The following ADGRA3 variants were observed in gnomAD, a reference collection of about 807,000 sequenced individuals.
ADGRA3 encodes the protein adhesion G protein-coupled receptor A3.
A neutral mutation model predicts 119.8 loss-of-function variants in ADGRA3; 56 were observed. The observed-to-expected ratio is 0.47, with a 90% CI of 0.38 to 0.58. The LOEUF (loss-of-function observed/expected upper bound fraction) is 0.58, where lower values mean the gene tolerates loss of function less well. Among genes scored for constraint, ADGRA3 ranks in the 20% least tolerant of loss-of-function variants. The pLI is 0.00. For missense variants in ADGRA3, 1,516 were observed against 1,649.0 expected (o/e 0.92, Z 1.40); for synonymous variants, 607 against 623.8 (o/e 0.97, Z 0.40).
chr4:22,422,381 G>A (rs569080667), intron 11 of ADGRA3, among the ~76,000 whole-genome samples: 1 of 152,220 alleles, frequency 6.6e-6, no homozygotes, highest in East Asian at 1.9e-4. Flanking sequence ...ATAATTAGTG[G>A]TTCCCAAACT....
chr4:22,443,177 G>A (rs1716691452), intron 6 of ADGRA3: 2 of 624,254 alleles, frequency 3.2e-6, no homozygotes, highest in Non-Finnish European at 5.6e-6. Context: ...TGGCATCAGT[G>A]ATAAGTAAAT....
chr4:22,389,087 C>A lies in ADGRA3; in HGVS notation c.2723+1G>T. 6.2e-7 allele frequency: 1 copy of A among 1,613,446 alleles called. No individual in the cohort carries two copies. Among genetic ancestry groups the A allele is most frequent in the Non-Finnish European group, 8.5e-7 (1 of 1,179,444 alleles). On this transcript the variant is annotated splice_donor_variant, in intron 18 of 18. Transcript: ENST00000334304. LOFTEE classifies it high-confidence loss of function. ...GTACACAGAGAATATAAAATACTCA[C>A]TAGGGTGCGTTTGGCCGACTGCCGT...
chr4:22,389,091 G>T lies in ADGRA3; in HGVS notation c.2720C>A (p.Pro907His), dbSNP rs915849022. The T allele has an allele frequency of 1.5e-5, 24 of 1,613,192 alleles. No homozygotes were observed. In the East Asian group the frequency reaches 5.1e-4, roughly 34 times the overall value. ...ACAGAGAATATAAAATACTCACTAG[G>T]GTGCGTTTGGCCGACTGCCGTAATT... ...IKNYGSRPNAPYCWMAWEPSL... is the reference protein window; with the variant it reads ...IKNYGSRPNAHYCWMAWEPSL... The change falls in exon 18 of 19, where the codon CCC (proline) becomes CAC (histidine). Residue 907 changes from proline to histidine, a missense_variant. Transcript: ENST00000334304.
chr4:22,475,300 T>A (rs1175419329), intron 1 of ADGRA3, among the ~76,000 whole-genome samples: 1 of 152,206 alleles, frequency 6.6e-6, no homozygotes, highest in African/African-American at 2.4e-5. Flanking sequence ...AGTTTCAAAT[T>A]CTGTTTCCTT....
intron 17 of ADGRA3, among the ~76,000 whole-genome samples, chr4:22,390,238 C>A (rs1411411266): frequency 2.0e-5 from 3 of 150,290 alleles, no homozygotes; most frequent in Non-Finnish European, 3.0e-5. Context: ...CGCCCCCTAC[C>A]CCCGTTCTTG....
intron 1 of ADGRA3, among the ~76,000 whole-genome samples, chr4:22,481,620 T>C (rs1232490219): frequency 6.6e-6 from 1 of 152,202 alleles, no homozygotes. Context: ...TTTGTGAAAG[T>C]TTTACAGAGT....
At chr4:22,442,888 A>G (rs1050066879) in intron 6 of ADGRA3, 25 bp from the exon 7 acceptor site, 24 of 1,521,044 alleles carry the variant, frequency 1.6e-5, no homozygotes, top group Non-Finnish European at 2.0e-5. Context: ...ACAAAGATTC[A>G]GTAAACAAAT....
chr4:22,412,876 G>A (rs1715264574), intron 14 of ADGRA3, among the ~76,000 whole-genome samples: 1 of 151,980 alleles, frequency 6.6e-6, no homozygotes, highest in Admixed American at 6.6e-5. Context: ...CTGGGCAGAG[G>A]GAATCTGCAT....
At chr4:22,506,235 G>A (rs560084744) in intron 1 of ADGRA3, among the ~76,000 whole-genome samples, 2 of 152,168 alleles carry the variant, frequency 1.3e-5, no homozygotes, top group South Asian at 2.1e-4. Context: ...AAGATCTGAG[G>A]ACAAGAAATG....
chr4:22,505,181 G>C (rs1047721473), intron 1 of ADGRA3, among the ~76,000 whole-genome samples: 3 of 152,136 alleles, frequency 2.0e-5, no homozygotes, highest in Admixed American at 6.5e-5. Flanking sequence ...ATGACTGTGT[G>C]AGTCACTTAG....
chr4:22,508,712 C>T (rs568075191), intron 1 of ADGRA3, among the ~76,000 whole-genome samples: 2 of 152,264 alleles, frequency 1.3e-5, no homozygotes, highest in Admixed American at 1.3e-4. Flanking sequence ...CCCAAGGAGT[C>T]CCATCACTAG....
intron 1 of ADGRA3, among the ~76,000 whole-genome samples, chr4:22,508,129 G>A (rs1343158939): frequency 6.6e-6 from 1 of 152,176 alleles, no homozygotes; most frequent in East Asian, 1.9e-4. Flanking sequence ...GCTTTCAAGG[G>A]TATATGCATT....
At chr4:22,464,481 C>T (rs191448777) in intron 2 of ADGRA3, among the ~76,000 whole-genome samples, 35 of 152,312 alleles carry the variant, frequency 2.3e-4, no homozygotes, top group African/African-American at 3.8e-4. Flanking sequence ...AGTAAAAAGA[C>T]GGTCCCTGGT....
chr4:22,409,264 G>A (rs1205970706), intron 14 of ADGRA3, among the ~76,000 whole-genome samples: 2 of 152,152 alleles, frequency 1.3e-5, no homozygotes, highest in African/African-American at 2.4e-5. Flanking sequence ...TGGAGAATTT[G>A]TCTCACAGAT....
At chr4:22,448,240 A>T (rs2109081935) in intron 4 of ADGRA3, among the ~76,000 whole-genome samples, 1 of 152,280 alleles carries the variant, frequency 6.6e-6, no homozygotes, top group South Asian at 2.1e-4. Flanking sequence ...CTGTGTGTGT[A>T]CGCACTTCCG....
chr4:22,400,359 C>A (rs1281531451), intron 16 of ADGRA3, among the ~76,000 whole-genome samples: 1 of 152,036 alleles, frequency 6.6e-6, no homozygotes, highest in African/African-American at 2.4e-5. Context: ...GAATATTATT[C>A]AGCCATAAAA....
chr4:22,476,533 T>G (rs1458376207), intron 1 of ADGRA3, among the ~76,000 whole-genome samples: 1 of 152,142 alleles, frequency 6.6e-6, no homozygotes, highest in Non-Finnish European at 1.5e-5. Context: ...ACATCAAAAC[T>G]GATATCCTTG....
intron 9 of ADGRA3, 63 bp downstream of exon 9, chr4:22,436,377 G>T: frequency 1.2e-4 from 126 of 1,087,000 alleles, no homozygotes; most frequent in Non-Finnish European, 1.4e-4. Flanking sequence ...AAAAACTTAT[G>T]TATTTGGTTT....
chr4:22,509,401 G>A (rs948610462), intron 1 of ADGRA3, among the ~76,000 whole-genome samples: 6 of 151,840 alleles, frequency 4.0e-5, no homozygotes, highest in Non-Finnish European at 7.4e-5. Context: ...TACTCGGGGC[G>A]CTGAGGCAGG....
Sources: allele counts gnomAD v4.1 joint callset (sites outside exome capture counted in the v4.1 genomes callset), GRCh38; gene constraint gnomAD v4.1.1; transcripts MANE v1.5; gene names NCBI Gene and HGNC (gene_info 2026-07-23, HGNC 2026-07-21).